Variants in CCDC148 observed in about 807,000 individuals in gnomAD.
The protein encoded by CCDC148 is coiled-coil domain-containing protein 148.
Under a neutral mutation model 85.7 loss-of-function variants are expected in CCDC148, and 89 were observed. That is an observed-to-expected ratio of 1.04 (90% CI 0.87 to 1.24). The LOEUF (loss-of-function observed/expected upper bound fraction) is 1.24. Ranked by LOEUF, CCDC148 falls within the 50% of genes most tolerant of loss-of-function variation. CCDC148 has a pLI of 0.00. For missense variants in CCDC148, 692 were observed against 671.7 expected (o/e 1.03, Z -0.33); for synonymous variants, 230 against 213.9 (o/e 1.08, Z -0.66).
At chr2:158,363,129 T>C (rs1684041069) in intron 1 of CCDC148, among the ~76,000 whole-genome samples, 1 of 152,186 alleles carries the variant, frequency 6.6e-6, no homozygotes, top group Non-Finnish European at 1.5e-5. Context: ...AGAAGTCGAA[T>C]ACCTGAACAG....
chr2:158,431,471 A>G (rs66615135), intron 1 of CCDC148, among the ~76,000 whole-genome samples: 51,707 of 150,528 alleles, frequency 0.34, 10,090 homozygotes, highest in Middle Eastern at 0.48. Context: ...GTAAAGTGCT[A>G]TAAAAAAGGT....
intron 10 of CCDC148, among the ~76,000 whole-genome samples, chr2:158,228,924 C>T (rs558720317): frequency 1.3e-5 from 2 of 148,284 alleles, no homozygotes; most frequent in South Asian, 2.1e-4. Flanking sequence ...CTAACCTGCA[C>T]GTTGTGCACA....
chr2:158,294,931 G>A (rs937015578), intron 9 of CCDC148, among the ~76,000 whole-genome samples: 4 of 151,720 alleles, frequency 2.6e-5, no homozygotes, highest in African/African-American at 4.8e-5. Context: ...TATTTGACAT[G>A]ATCAGATTTT....
intron 11 of CCDC148, chr2:158,207,746 T>G (rs12622924): frequency 6.6e-6 from 1 of 152,112 alleles, no homozygotes; most frequent in Non-Finnish European, 1.5e-5. Context: ...ATGCCAGGGA[T>G]AAAAGTCAAC....
At chr2:158,230,957 T>C (rs1050368693) in intron 10 of CCDC148, among the ~76,000 whole-genome samples, 7 of 151,978 alleles carry the variant, frequency 4.6e-5, no homozygotes, top group East Asian at 1.9e-4. Flanking sequence ...GTAACTGAGA[T>C]AGAAGATTGG....
intron 11 of CCDC148, among the ~76,000 whole-genome samples, chr2:158,198,568 C>T (rs1558974917): frequency 1.3e-5 from 2 of 152,162 alleles, no homozygotes; most frequent in African/African-American, 4.8e-5. Flanking sequence ...ACACACACGT[C>T]ATTTCATGCC....
intron 11 of CCDC148, among the ~76,000 whole-genome samples, chr2:158,200,808 T>C (rs1685918563): frequency 6.6e-6 from 1 of 152,260 alleles, no homozygotes; most frequent in Non-Finnish European, 1.5e-5. Context: ...CTTGGTTCTG[T>C]GTAAATGTCC....
Position 158,232,011 on chromosome 2 carries a change from G to A in CCDC148, c.1252-11298C>T, listed in dbSNP as rs1219825507. ...ATTTGTTGAGACAGAGATTTTAAAT[G>A]CACTGATTGTTAGACTTTTTGAAGG... On this transcript the variant is annotated intron_variant, in intron 10 of 13. Transcript: ENST00000283233. Among the ~76,000 whole-genome samples the A allele has an allele frequency of 2.0e-5, 3 of 152,144 alleles. No homozygotes were observed. In the South Asian group the frequency reaches 6.2e-4, roughly 32 times the overall value.
chr2:158,234,521 T>C (rs1470298383), intron 10 of CCDC148, among the ~76,000 whole-genome samples: 3 of 152,078 alleles, frequency 2.0e-5, no homozygotes, highest in East Asian at 3.9e-4. Flanking sequence ...AAATAACTAG[T>C]AAAAATCTTA....
chr2:158,434,620 ATGAATT>A (rs1426403311), intron 1 of CCDC148, among the ~76,000 whole-genome samples: 2 of 152,224 alleles, frequency 1.3e-5, no homozygotes, highest in African/African-American at 2.4e-5. Flanking sequence ...TGGACGGAGA[ATGAATT>A]TGACGAGTTC....
chr2:158,212,411 A>G (rs1346063053), intron 11 of CCDC148, among the ~76,000 whole-genome samples: 1 of 152,250 alleles, frequency 6.6e-6, no homozygotes, highest in African/African-American at 2.4e-5. Flanking sequence ...CAACATGTCG[A>G]AATTTGCACA....
intron 2 of CCDC148, among the ~76,000 whole-genome samples, chr2:158,350,175 G>A (rs189310105): frequency 8.8e-4 from 134 of 152,256 alleles, no homozygotes; most frequent in Non-Finnish European, 1.7e-3. Flanking sequence ...TAACAGTGCT[G>A]AGAAATTATT....
chr2:158,228,476 A>G (rs938407707), intron 10 of CCDC148, among the ~76,000 whole-genome samples: 3 of 152,220 alleles, frequency 2.0e-5, no homozygotes, highest in Admixed American at 6.5e-5. Context: ...CCAAAGGATT[A>G]TAAATCATGC....
intron 8 of CCDC148, among the ~76,000 whole-genome samples, chr2:158,311,336 C>T (rs577178395): frequency 3.1e-4 from 47 of 152,292 alleles, no homozygotes; most frequent in African/African-American, 8.2e-4. Context: ...TCAGGCGTGG[C>T]GGCGCGAGCC....
chr2:158,271,448 T>A (rs1254956209), intron 9 of CCDC148, among the ~76,000 whole-genome samples: 1 of 152,226 alleles, frequency 6.6e-6, no homozygotes, highest in East Asian at 1.9e-4. Flanking sequence ...TGCAGTATCC[T>A]GGCCAGATGA....
intron 11 of CCDC148, among the ~76,000 whole-genome samples, chr2:158,213,221 T>C (rs1486189579): frequency 6.6e-6 from 1 of 152,208 alleles, no homozygotes; most frequent in Non-Finnish European, 1.5e-5. Context: ...ATTTGTTGGT[T>C]GTACCCAACT....
intron 1 of CCDC148, among the ~76,000 whole-genome samples, chr2:158,383,201 T>C (rs936866862): frequency 3.2e-4 from 48 of 151,526 alleles, no homozygotes; most frequent in African/African-American, 1.1e-3. Flanking sequence ...TCTATAATTC[T>C]AGCTACTTGG....
At chr2:158,221,885 GGA>G (rs147337167) in intron 10 of CCDC148, among the ~76,000 whole-genome samples, 25 of 149,870 alleles carry the variant, frequency 1.7e-4, no homozygotes, top group East Asian at 3.9e-4. Context: ...CACCCAAGAT[GGA>G]GAGAGAGAGA....
chr2:158,323,874 T>TAA, intron 7 of CCDC148, among the ~76,000 whole-genome samples: 1 of 149,146 alleles, frequency 6.7e-6, no homozygotes, highest in Middle Eastern at 3.5e-3. Context: ...AAATAGAAAG[T>TAA]AAAAATATGC....
Sources: allele counts gnomAD v4.1 joint callset (sites outside exome capture counted in the v4.1 genomes callset), GRCh38; gene constraint gnomAD v4.1.1; transcripts MANE v1.5; gene names NCBI Gene and HGNC (gene_info 2026-07-23, HGNC 2026-07-21).